Variants in CAMTA1 observed in about 807,000 individuals in gnomAD.
CAMTA1 encodes calmodulin binding transcription activator 1.
In CAMTA1, 27 loss-of-function variants were observed where a neutral mutation model predicts 170.9. The ratio of observed to expected loss-of-function variants is 0.16; its 90% confidence interval spans 0.12 to 0.22. The LOEUF (loss-of-function observed/expected upper bound fraction) is 0.22, where lower values mean the gene tolerates loss of function less well. Ranked by LOEUF, CAMTA1 falls within the 10% of genes least tolerant of loss-of-function variation. The pLI, the probability that CAMTA1 is intolerant of heterozygous loss-of-function variation, is 1.00. For synonymous variants in CAMTA1, 833 were observed against 891.5 expected (o/e 0.93, Z 1.17); for missense variants, 1,619 against 2,217.2 (o/e 0.73, Z 5.42).
At chr1:7,493,059 G>A (rs1439870666) in intron 6 of CAMTA1, among the ~76,000 whole-genome samples, 9 of 69,724 alleles carry the variant, frequency 1.3e-4, no homozygotes, top group Admixed American at 2.8e-4. Flanking sequence ...ACATACACAC[G>A]CGCGCACACA....
chr1:7,394,614 G>A (rs928089352), intron 5 of CAMTA1, among the ~76,000 whole-genome samples: 37 of 152,210 alleles, frequency 2.4e-4, no homozygotes, highest in Non-Finnish European at 4.1e-4. Flanking sequence ...TACACAGTTT[G>A]CAAATATTTT....
intron 6 of CAMTA1, among the ~76,000 whole-genome samples, chr1:7,637,340 C>T (rs756129191): frequency 4.6e-5 from 7 of 152,228 alleles, no homozygotes; most frequent in African/African-American, 9.6e-5. Context: ...CAGAGGCAGC[C>T]CTGGGCGGCC....
In CAMTA1 at chr1:7,403,812, T is replaced by A. The variant is rs540845843; in HGVS notation, c.439-64018T>A. ...TCTGTGCTGAGGCTTCCAGAGGTCC[T>A]CAGTGAATCCTCACCGCAACCCCCC... On this transcript the variant is annotated intron_variant, in intron 5 of 22. Transcript: ENST00000303635. Among the ~76,000 whole-genome samples, 3 of 152,264 alleles carry A rather than the reference T, an allele frequency of 2.0e-5. No individual in the cohort carries two copies. In the East Asian group the frequency reaches 5.8e-4, roughly 29 times the overall value.
rs760136641 is a variant in CAMTA1 at position 7,257,080 on chromosome 1, G to GC, written c.438+7454_438+7455insC. Among the ~76,000 whole-genome samples, 52 of 150,572 alleles carry GC rather than the reference G, an allele frequency of 3.5e-4. 1 individual carries two copies. The highest frequency in any genetic ancestry group is 6.0e-4 in the Non-Finnish European group (41 of 67,882). Reference sequence around the variant, plus strand: ...CTTCCACATACCATCGCATGGCGGGGGCGGGGGTTGGTTTTCATCATATAC... The same window carrying GC: ...CTTCCACATACCATCGCATGGCGGGGCGCGGGGGTTGGTTTTCATCATATAC... On this transcript the variant is annotated intron_variant, in intron 5 of 22. Transcript: ENST00000303635.
intron 6 of CAMTA1, among the ~76,000 whole-genome samples, chr1:7,624,335 C>T (rs1337154129): frequency 6.6e-6 from 1 of 152,038 alleles, no homozygotes; most frequent in Non-Finnish European, 1.5e-5. Flanking sequence ...TGCCATCCGC[C>T]ATGGTTCCAG....
At position 6,963,127 on chromosome 1, in the gene CAMTA1, C is replaced by T. The variant is rs1301704224; in HGVS notation, c.235-128177C>T. 3.3e-5 allele frequency among the ~76,000 whole-genome samples: 5 copies of T among 151,786 alleles called. 1 individual carries two copies. Among genetic ancestry groups the T allele is most frequent in the African/African-American group, 9.7e-5 (4 of 41,378 alleles). The stretch of plus-strand genomic sequence containing the variant: ...GACCCATCCCACCCTCTGGCCTCAC[C>T]CACTCCACCTTCCATTTTGACCCAG... On this transcript the variant is annotated intron_variant, in intron 3 of 22. Coordinates refer to ENST00000303635, the MANE Select transcript of CAMTA1 (RefSeq NM_015215.4).
At chr1:6,931,742 A>G (rs1684452287) in intron 3 of CAMTA1, among the ~76,000 whole-genome samples, 1 of 152,190 alleles carries the variant, frequency 6.6e-6, no homozygotes, top group Admixed American at 6.5e-5. Context: ...TGTGCACATT[A>G]ATGGCCAAGG....
At chr1:7,112,244 C>T (rs1049758954) in intron 4 of CAMTA1, among the ~76,000 whole-genome samples, 1 of 152,184 alleles carries the variant, frequency 6.6e-6, no homozygotes, top group Admixed American at 6.5e-5. Context: ...AACCCATTCT[C>T]TTACTTTTAG....
chr1:7,330,764 T>C lies in CAMTA1; in HGVS notation c.438+81138T>C, dbSNP rs558832230. On this transcript the variant is annotated intron_variant, in intron 5 of 22. Coordinates refer to ENST00000303635, the MANE Select transcript of CAMTA1 (RefSeq NM_015215.4). Reference sequence around the variant, plus strand: ...AAAGTATTAAATGCCAACATGGTTTTCTGTGTTGATTCTCTCTTTGATGCA... The same window carrying C: ...AAAGTATTAAATGCCAACATGGTTTCCTGTGTTGATTCTCTCTTTGATGCA... Among the ~76,000 whole-genome samples, 125 of 152,390 alleles carry C rather than the reference T, an allele frequency of 8.2e-4. 1 individual carries two copies. The highest frequency in any genetic ancestry group is 2.5e-3 in the South Asian group (12 of 4,834).
chr1:7,182,827 C>T (rs11586448), intron 4 of CAMTA1, among the ~76,000 whole-genome samples: 7 of 152,014 alleles, frequency 4.6e-5, no homozygotes, highest in South Asian at 2.1e-4. Context: ...TTTAAACAAA[C>T]GAAAAGATGT....
intron 10 of CAMTA1, 93 bp from the exon 11 acceptor site, chr1:7,677,506 G>T (rs189759241): frequency 1.2e-4 from 168 of 1,370,780 alleles, no homozygotes; most frequent in Non-Finnish European, 1.5e-4. Flanking sequence ...CCAATGAAGG[G>T]TAGTGGGGAG....
At chr1:7,016,243 A>G (rs1284927921) in intron 3 of CAMTA1, among the ~76,000 whole-genome samples, 1 of 152,152 alleles carries the variant, frequency 6.6e-6, no homozygotes, top group African/African-American at 2.4e-5. Context: ...TGTATGTGTC[A>G]ACAGTTGGTT....
intron 5 of CAMTA1, among the ~76,000 whole-genome samples, chr1:7,289,505 C>T (rs4606337): frequency 6.6e-6 from 1 of 152,136 alleles, no homozygotes; most frequent in East Asian, 1.9e-4. Context: ...AAATGAGATG[C>T]CCCGGTTTGC....
At chr1:6,905,130 G>T (rs1678113822) in intron 3 of CAMTA1, among the ~76,000 whole-genome samples, 1 of 150,288 alleles carries the variant, frequency 6.7e-6, no homozygotes, top group African/African-American at 2.5e-5. Flanking sequence ...CATCTCCACT[G>T]CCCCAGCTTG....
At chr1:7,349,921 T>C (rs1191756553) in intron 5 of CAMTA1, among the ~76,000 whole-genome samples, 1 of 152,138 alleles carries the variant, frequency 6.6e-6, no homozygotes, top group Non-Finnish European at 1.5e-5. Context: ...TTCACTCCTG[T>C]ATAAGCCCCG....
In CAMTA1 at chr1:6,822,457, G is replaced by T. The variant is rs547513176; in HGVS notation, c.115+2207G>T. On this transcript the variant is annotated intron_variant, in intron 2 of 22. Coordinates refer to ENST00000303635, the MANE Select transcript of CAMTA1 (RefSeq NM_015215.4). ...TAATTCTTTTCTCAGTATTAAACTCGCAATCCTTATAATGTAGTAGGAAAA... is the reference window on the plus strand; with the variant it reads ...TAATTCTTTTCTCAGTATTAAACTCTCAATCCTTATAATGTAGTAGGAAAA... 2.6e-5 allele frequency among the ~76,000 whole-genome samples: 4 copies of T among 152,102 alleles called. No homozygotes were observed. In the East Asian group the frequency reaches 7.7e-4, roughly 29 times the overall value.
At chr1:7,505,527 G>T (rs948255994) in intron 6 of CAMTA1, among the ~76,000 whole-genome samples, 10 of 152,184 alleles carry the variant, frequency 6.6e-5, no homozygotes, top group Admixed American at 2.6e-4. Flanking sequence ...CCCAGATGGG[G>T]CCGGGAGGGG....
At chr1:7,449,788 AGAAAG>A (rs1396943027) in intron 5 of CAMTA1, among the ~76,000 whole-genome samples, 11 of 144,110 alleles carry the variant, frequency 7.6e-5, no homozygotes, top group Non-Finnish European at 1.5e-4. Flanking sequence ...AAAAAAAAAA[AGAAAG>A]AAAGAAAAAA....
At chr1:7,479,997 G>A (rs1401983415) in intron 6 of CAMTA1, among the ~76,000 whole-genome samples, 1 of 152,142 alleles carries the variant, frequency 6.6e-6, no homozygotes, top group Non-Finnish European at 1.5e-5. Context: ...GTATGTGCAT[G>A]TGTGTGAATG....
Sources: gnomAD v4.1 joint callset for allele counts (sites outside exome capture counted in the v4.1 genomes callset) on GRCh38, gnomAD v4.1.1 for gene constraint, MANE v1.5 for transcripts, NCBI Gene and HGNC (gene_info 2026-07-23, HGNC 2026-07-21) for gene names.